PLEKHH1: variants seen among roughly 807,000 people sequenced by gnomAD.
PLEKHH1 encodes the protein pleckstrin homology domain-containing family H member 1.
Under a neutral mutation model 160.0 loss-of-function variants are expected in PLEKHH1, and 104 were observed. The ratio of observed to expected loss-of-function variants is 0.65; its 90% confidence interval spans 0.55 to 0.76. The LOEUF (loss-of-function observed/expected upper bound fraction) is 0.76, where lower values mean the gene tolerates loss of function less well. PLEKHH1 is among the 30% of genes least tolerant of loss of function. PLEKHH1 has a pLI of 0.00. For synonymous variants in PLEKHH1, 619 were observed against 678.4 expected, an observed-to-expected ratio of 0.91 and a Z score of 1.36; for missense variants, 1,427 against 1,724.1, an observed-to-expected ratio of 0.83 and a Z score of 3.05.
chr14:67,536,846 G>C (rs915919127), intron 1 of PLEKHH1, among the ~76,000 whole-genome samples: 5 of 151,804 alleles, frequency 3.3e-5, no homozygotes, highest in African/African-American at 1.2e-4. Flanking sequence ...AGTTTGACCA[G>C]ACTGGCCAAC....
intron 2 of PLEKHH1, among the ~76,000 whole-genome samples, chr14:67,555,405 G>A (rs543391643): frequency 2.0e-5 from 3 of 152,162 alleles, no homozygotes; most frequent in Non-Finnish European, 2.9e-5. Flanking sequence ...GTTTTCTATC[G>A]ATGACACAGG....
intron 9 of PLEKHH1, chr14:67,570,759 C>T (rs933572359): frequency 3.9e-5 from 6 of 152,138 alleles, no homozygotes; most frequent in African/African-American, 1.4e-4. Context: ...GAGTCTGGCT[C>T]TGTTGCCAGG....
chr14:67,578,638 G>A lies in PLEKHH1; in HGVS notation c.2849+7G>A. 3 of 1,561,796 alleles carry A rather than the reference G, an allele frequency of 1.9e-6. No homozygotes were observed. The highest frequency in any genetic ancestry group is 2.6e-6 in the Non-Finnish European group (3 of 1,141,380). Reference sequence around the variant, plus strand: ...AACGCCATGCAGATCCCAGGTGAGTGAACCTGGCCGTTTCCTCTGCCACTT... The same window carrying A: ...AACGCCATGCAGATCCCAGGTGAGTAAACCTGGCCGTTTCCTCTGCCACTT... On this transcript the variant is annotated splice_region_variant and intron_variant, in intron 20 of 28. Coordinates refer to ENST00000329153, the MANE Select transcript of PLEKHH1 (RefSeq NM_020715.3). The surrounding 1 kb of genome is among the most constrained non-coding windows in gnomAD (Gnocchi z 5.0).
At chr14:67,579,936 G>GA (rs781285401) in intron 22 of PLEKHH1, 60 bp downstream of exon 22, 19 of 1,484,214 alleles carry the variant, frequency 1.3e-5, no homozygotes, top group Admixed American at 2.0e-5. Context: ...TGGTGGTGGG[G>GA]AAAGAGCCCA....
rs555489734 is a variant in PLEKHH1 at position 67,547,991 on chromosome 14, G to A, written c.126+5998G>A. ...AGCCTGCCTGGGCCACCCCATTCTG[G>A]AGCCAGGTTAGCCATGGGTTCCCTT... is the stretch of plus-strand genomic sequence containing the variant. On this transcript the variant is annotated intron_variant, in intron 2 of 28. Coordinates refer to ENST00000329153, the MANE Select transcript of PLEKHH1 (RefSeq NM_020715.3). Among the ~76,000 whole-genome samples the A allele has an allele frequency of 3.9e-5, 6 of 152,286 alleles. No individual in the cohort carries two copies. In the East Asian group the frequency reaches 1.2e-3, roughly 29 times the overall value.
chr14:67,570,086 C>T (rs1246752273), intron 9 of PLEKHH1, 74 bp downstream of exon 9: 15 of 1,064,350 alleles, frequency 1.4e-5, no homozygotes, highest in Middle Eastern at 2.0e-4. Context: ...ATGACTGGGG[C>T]GGGGCTCTAG....
Position 67,578,188 on chromosome 14 carries a change from TC to T in PLEKHH1, c.2743del (p.Leu915SerfsTer112). On this transcript the variant is annotated frameshift_variant, in exon 19 of 29. Transcript: ENST00000329153. LOFTEE classifies it high-confidence loss of function. This position sits in a 1 kb window ranked among gnomAD's most constrained non-coding sequence, Gnocchi z 5.0. ...CAGCTGCCGCCCACCTCAGAAGTAC[TC>T]CCTCATGCAGGTAGGCATGCCAGGG... ...QTSCRPPQKY[S>X]LMQCWQLLAL... The T allele has an allele frequency of 6.2e-7, 1 of 1,613,540 alleles. No homozygotes were observed.
In PLEKHH1 at chr14:67,540,460, T is replaced by C. The variant is rs150786057; in HGVS notation, c.-34-1374T>C. Among the ~76,000 whole-genome samples the C allele has an allele frequency of 1.1e-4, 17 of 152,042 alleles. No individual in the cohort carries two copies. The East Asian group carries it at 3.3e-3, about 29-fold the overall frequency. Reference sequence around the variant, plus strand: ...GGCCAACATAGTGAATCTCCATCTCTACTAAAAATACAAAAAATTAGCCAG... The same window carrying C: ...GGCCAACATAGTGAATCTCCATCTCCACTAAAAATACAAAAAATTAGCCAG... On this transcript the variant is annotated intron_variant, in intron 1 of 28. Coordinates refer to ENST00000329153, the MANE Select transcript of PLEKHH1 (RefSeq NM_020715.3).
Position 67,574,037 on chromosome 14 carries a change from A to T in PLEKHH1, c.1926+150A>T. 1.4e-6 allele frequency: 1 copy of T among 707,050 alleles called. No homozygotes were observed. The highest frequency in any genetic ancestry group is 2.4e-6 in the Non-Finnish European group (1 of 409,596). 43.8% of individuals were successfully genotyped at this position (707,050 alleles called of 1,614,324 possible). On this transcript the variant is annotated intron_variant, in intron 13 of 28. Coordinates refer to ENST00000329153, the MANE Select transcript of PLEKHH1 (RefSeq NM_020715.3). The surrounding 1 kb of genome is among the most constrained non-coding windows in gnomAD (Gnocchi z 4.2). The stretch of plus-strand genomic sequence containing the variant: ...GTGATCCTAACTTGTGAGTACAAGA[A>T]AGGAAGATGAGACAGAATATGAGAG...
At position 67,570,332 on chromosome 14, in the gene PLEKHH1, T is replaced by TA. The variant is rs529226108; in HGVS notation, c.1434+321dup. Reference sequence around the variant, plus strand: ...AGGGCAGTGGGGCTCCTTCTAGAATTACTGAGGTATATTCCAACTTATATT... The same window carrying TA: ...AGGGCAGTGGGGCTCCTTCTAGAATTAACTGAGGTATATTCCAACTTATATT... On this transcript the variant is annotated intron_variant, in intron 9 of 28. Coordinates refer to ENST00000329153, the MANE Select transcript of PLEKHH1 (RefSeq NM_020715.3). The TA allele has an allele frequency of 3.7e-4, 386 of 1,055,506 alleles. 2 individuals are homozygous for TA. In the South Asian group the frequency reaches 6.2e-3, roughly 17 times the overall value. The allele number at this position is 1,055,506 out of a possible 1,614,324, so 65.4% of individuals were successfully genotyped here.
rs1394835018 is a variant in PLEKHH1 at position 67,562,576 on chromosome 14, G to A, written c.945G>A (p.Val315=). 6 of 1,612,498 alleles carry A rather than the reference G, an allele frequency of 3.7e-6. No homozygotes were observed. Among genetic ancestry groups the A allele is most frequent in the Non-Finnish European group, 5.1e-6 (6 of 1,179,102 alleles). The part of the protein sequence containing the change: ...GPGSSLTLPK[V]RAPGTPRDSI... ...GCAGCAGTCTGACCCTACCAAAGGT[G>A]CGGGCTCCTGGCACCCCGCGGGACA... The change falls in exon 7 of 29, where the codon GTG becomes GTA. Residue 315 remains valine (V), a synonymous_variant. Coordinates refer to ENST00000329153, the MANE Select transcript of PLEKHH1 (RefSeq NM_020715.3).
At chr14:67,534,895 G>A (rs549131354) in intron 1 of PLEKHH1, among the ~76,000 whole-genome samples, 5 of 152,168 alleles carry the variant, frequency 3.3e-5, no homozygotes, top group Non-Finnish European at 7.3e-5. Context: ...TGATGTATAT[G>A]AAATGGTGTA....
intron 11 of PLEKHH1, among the ~76,000 whole-genome samples, chr14:67,572,758 G>A (rs951206183): frequency 1.3e-5 from 2 of 152,090 alleles, no homozygotes; most frequent in Admixed American, 6.5e-5. Context: ...ATCCACTCCC[G>A]ATGTAATTCC....
intron 26 of PLEKHH1, 84 bp downstream of exon 26, chr14:67,584,208 TA>T: frequency 7.2e-7 from 1 of 1,386,220 alleles, no homozygotes; most frequent in Non-Finnish European, 1.0e-6. Flanking sequence ...TTGCAGCCCC[TA>T]CCTCCATACC....
chr14:67,585,913 G>A (rs370520152), intron 27 of PLEKHH1, 38 bp from the exon 28 acceptor site: 18 of 1,588,056 alleles, frequency 1.1e-5, no homozygotes, highest in Middle Eastern at 2.0e-4. Flanking sequence ...GGGGACAGGT[G>A]GAAAGTTTCC....
chr14:67,555,997 A>G (rs1438572664), intron 3 of PLEKHH1, 110 bp downstream of exon 3: 15 of 1,376,232 alleles, frequency 1.1e-5, no homozygotes. Context: ...GTACTGTGTT[A>G]TACCTGAACA....
chr14:67,589,343 T>G lies in PLEKHH1; in HGVS notation c.*2108T>G. The G allele has an allele frequency of 1.0e-6, 1 of 981,706 alleles. No individual in the cohort carries two copies. The highest frequency in any genetic ancestry group is 1.2e-6 in the Non-Finnish European group (1 of 826,554). The allele number at this position is 981,706 out of a possible 1,614,324, so 60.8% of individuals were successfully genotyped here. A position where few individuals can be genotyped will look rare whatever the true frequency, so the allele number is the denominator to read the frequency against. Reference sequence around the variant, plus strand: ...TTTGCTTATTTATTCTTTGTTAACATGAGAGTCCCATGTCTGAAAACCAAA... The same window carrying G: ...TTTGCTTATTTATTCTTTGTTAACAGGAGAGTCCCATGTCTGAAAACCAAA... On this transcript the variant is annotated 3_prime_UTR_variant, in exon 29 of 29. Coordinates refer to ENST00000329153, the MANE Select transcript of PLEKHH1 (RefSeq NM_020715.3).
In PLEKHH1 at chr14:67,541,976, G is replaced by A. The variant is rs1424509886; in HGVS notation, c.109G>A (p.Glu37Lys). Residue 37 changes from glutamate (E) to lysine (K), a missense_variant, in exon 2 of 29, where the codon GAG (glutamate) becomes AAG (lysine). This residue lies in a region of PLEKHH1 where 831 missense variants were observed against 929.2 expected (regional missense o/e 0.89). Transcript: ENST00000329153. Reference sequence around the variant, plus strand: ...CCGCCTACAGGCCAGCAAGATAAGGGAGCTGCTGGCTGACAAGGTGAGTCC... The same window carrying A: ...CCGCCTACAGGCCAGCAAGATAAGGAAGCTGCTGGCTGACAAGGTGAGTCC... ...RFRLQASKIR[E>K]LLADKMQELE... 6 of 1,606,614 alleles carry A rather than the reference G, an allele frequency of 3.7e-6. No homozygotes were observed. Among genetic ancestry groups the A allele is most frequent in the Non-Finnish European group, 5.1e-6 (6 of 1,176,820 alleles).
intron 1 of PLEKHH1, among the ~76,000 whole-genome samples, chr14:67,537,419 C>G (rs910193855): frequency 6.7e-5 from 10 of 149,432 alleles, no homozygotes; most frequent in African/African-American, 2.5e-4. Flanking sequence ...GCTCAACACA[C>G]TTTAGAATAA....
Sources: allele counts gnomAD v4.1 joint callset (sites outside exome capture counted in the v4.1 genomes callset), GRCh38; gene constraint gnomAD v4.1.1; regional missense constraint gnomAD v4.1.1; non-coding constraint Gnocchi (gnomAD v3.1); transcripts MANE v1.5; gene names NCBI Gene and HGNC (gene_info 2026-07-23, HGNC 2026-07-21).